Variants in NKAIN3 observed in about 807,000 individuals in gnomAD.
NKAIN3 encodes the protein sodium/potassium-transporting ATPase subunit beta-1-interacting protein 3.
A neutral mutation model predicts 30.2 loss-of-function variants in NKAIN3; 25 were observed. The observed-to-expected ratio is 0.83, with a 90% confidence interval of 0.60 to 1.16. NKAIN3 has a LOEUF of 1.16. Ranked by LOEUF, NKAIN3 falls within the 50% of genes most tolerant of loss-of-function variation. The probability of loss-of-function intolerance (pLI) is 0.00; values close to 1 mark genes in which losing one functional copy is unlikely to be tolerated. For synonymous variants in NKAIN3, 91 were observed against 89.6 expected (o/e 1.02, Z -0.09); for missense variants, 225 against 254.1 (o/e 0.89, Z 0.78).
intron 1 of NKAIN3, among the ~76,000 whole-genome samples, chr8:62,353,589 G>A (rs761729361): frequency 2.6e-5 from 4 of 152,014 alleles, no homozygotes; most frequent in Non-Finnish European, 5.9e-5. Flanking sequence ...TTATAGCCTC[G>A]CCTATTTCAC....
chr8:62,536,734 G>C (rs1165623664), intron 1 of NKAIN3, among the ~76,000 whole-genome samples: 1 of 152,158 alleles, frequency 6.6e-6, no homozygotes, highest in Non-Finnish European at 1.5e-5. Flanking sequence ...GAAGCAGTTA[G>C]AGTTCAGATG....
At chr8:62,855,770 G>A in intron 4 of NKAIN3, 2 of 1,152,682 alleles carry the variant, frequency 1.7e-6, no homozygotes, top group East Asian at 2.3e-5. Flanking sequence ...TTTCAGTAAA[G>A]GGCATCTTCC....
intron 4 of NKAIN3, chr8:62,863,406 C>T: frequency 6.5e-7 from 1 of 1,548,386 alleles, no homozygotes; most frequent in Admixed American, 1.9e-5. Context: ...TGTTTTGCGG[C>T]TTTATGTCAG....
rs146680429 is a variant in NKAIN3 at position 62,591,361 on chromosome 8, A to G, written c.273+1567A>G. Among the ~76,000 whole-genome samples the G allele has an allele frequency of 4.9e-4, 75 of 152,048 alleles. 2 individuals carry two copies. The East Asian group carries it at 0.014, about 29-fold the overall frequency. On this transcript the variant is annotated intron_variant, in intron 3 of 6. Coordinates refer to ENST00000623646, the MANE Select transcript of NKAIN3 (RefSeq NM_001304533.3). ...AATCCTTTGGCTCCATGGAGTCTCT[A>G]TGAAAAATAATAAGACCAGATTTTC... is the stretch of plus-strand genomic sequence containing the variant.
At chr8:62,404,817 A>G (rs1046904741) in intron 1 of NKAIN3, among the ~76,000 whole-genome samples, 1 of 119,346 alleles carries the variant, frequency 8.4e-6, no homozygotes, top group Non-Finnish European at 2.1e-5. Context: ...CCTTTCCTCA[A>G]TCAGTAGTTT....
chr8:62,498,789 C>G (rs1013707606), intron 1 of NKAIN3, among the ~76,000 whole-genome samples: 6 of 151,352 alleles, frequency 4.0e-5, no homozygotes, highest in African/African-American at 1.5e-4. Context: ...ATAAGCAAGA[C>G]AGCAGCTCAG....
Position 62,344,195 on chromosome 8 carries a change from C to T in NKAIN3, c.54+95068C>T, listed in dbSNP as rs148872268. Reference sequence around the variant, plus strand: ...TCATCTGAAACACAAATAAAGAAATCACTTCTTTAAAATAAGTTTAAAAGA... The same window carrying T: ...TCATCTGAAACACAAATAAAGAAATTACTTCTTTAAAATAAGTTTAAAAGA... On this transcript the variant is annotated intron_variant, in intron 1 of 6. Coordinates refer to ENST00000623646, the MANE Select transcript of NKAIN3 (RefSeq NM_001304533.3). Among the ~76,000 whole-genome samples, 210 of 152,024 alleles carry T rather than the reference C, an allele frequency of 1.4e-3. 4 individuals are homozygous for T. The East Asian group carries it at 0.037, about 27-fold the overall frequency.
chr8:62,893,390 A>G (rs569164774), intron 4 of NKAIN3, among the ~76,000 whole-genome samples: 1 of 152,350 alleles, frequency 6.6e-6, no homozygotes, highest in East Asian at 1.9e-4. Flanking sequence ...TTTTAAGAGA[A>G]ATGAAAAACT....
intron 1 of NKAIN3, among the ~76,000 whole-genome samples, chr8:62,264,384 A>G (rs893766876): frequency 4.6e-5 from 7 of 152,188 alleles, no homozygotes; most frequent in African/African-American, 1.4e-4. Flanking sequence ...TTCAGTTGGT[A>G]TCCATTAAAA....
chr8:62,342,235 C>CAAAAA (rs3058285), intron 1 of NKAIN3, among the ~76,000 whole-genome samples: 44 of 124,746 alleles, frequency 3.5e-4, no homozygotes, highest in Admixed American at 5.7e-4. Flanking sequence ...ACCACTGAAC[C>CAAAAA]AAAAAAAAAA....
intron 4 of NKAIN3, among the ~76,000 whole-genome samples, chr8:62,904,417 CAT>C (rs1821715141): frequency 6.6e-6 from 1 of 152,206 alleles, no homozygotes. Context: ...TTTCTTTCCA[CAT>C]GTTTATACTT....
At chr8:62,870,967 C>A (rs1820624179) in intron 4 of NKAIN3, among the ~76,000 whole-genome samples, 1 of 151,934 alleles carries the variant, frequency 6.6e-6, no homozygotes, top group African/African-American at 2.4e-5. Flanking sequence ...AAAGATCATA[C>A]TGGGAAAACC....
At chr8:62,278,385 T>A (rs1813038119) in intron 1 of NKAIN3, among the ~76,000 whole-genome samples, 1 of 149,702 alleles carries the variant, frequency 6.7e-6, no homozygotes, top group African/African-American at 2.5e-5. Flanking sequence ...ACTGCTGGTT[T>A]TTTTTTTTTA....
chr8:62,740,367 G>T (rs903070769), intron 3 of NKAIN3, among the ~76,000 whole-genome samples: 13 of 152,104 alleles, frequency 8.5e-5, no homozygotes, highest in Admixed American at 7.2e-4. Flanking sequence ...CAGATGGGCT[G>T]ACTTGTGATG....
At chr8:62,725,553 GCAGA>G (rs1314527106) in intron 3 of NKAIN3, among the ~76,000 whole-genome samples, 2 of 152,196 alleles carry the variant, frequency 1.3e-5, no homozygotes, top group African/African-American at 2.4e-5. Flanking sequence ...TTTTGTATAT[GCAGA>G]CAGATAGGAG....
intron 1 of NKAIN3, among the ~76,000 whole-genome samples, chr8:62,440,832 G>A (rs1805301882): frequency 6.6e-6 from 1 of 152,076 alleles, no homozygotes; most frequent in South Asian, 2.1e-4. Context: ...CTGTTTTCTG[G>A]CTATTGCAAG....
intron 4 of NKAIN3, among the ~76,000 whole-genome samples, chr8:62,883,659 G>A (rs1462842036): frequency 6.6e-6 from 1 of 151,674 alleles, no homozygotes; most frequent in Non-Finnish European, 1.5e-5. Context: ...AAACTTATAG[G>A]CTGTCATCAA....
chr8:62,428,818 GC>G (rs1722095180), intron 1 of NKAIN3, among the ~76,000 whole-genome samples: 2 of 151,944 alleles, frequency 1.3e-5, no homozygotes, highest in African/African-American at 4.8e-5. Flanking sequence ...CTGTAGAGAA[GC>G]TTTTTAGCTT....
intron 1 of NKAIN3, among the ~76,000 whole-genome samples, chr8:62,451,079 A>T (rs748532460): frequency 2.0e-5 from 3 of 152,138 alleles, no homozygotes; most frequent in Non-Finnish European, 2.9e-5. Context: ...CTTTTTTATT[A>T]TATCAGTTTG....
Sources: allele counts gnomAD v4.1 joint callset (sites outside exome capture counted in the v4.1 genomes callset), GRCh38; gene constraint gnomAD v4.1.1; transcripts MANE v1.5; gene names NCBI Gene and HGNC (gene_info 2026-07-23, HGNC 2026-07-21).